ARB2A: variants seen among roughly 807,000 people sequenced by gnomAD.
ARB2A encodes the protein ARB2 cotranscriptional regulator A.
At chr5:94,051,976 C>T in the ARB2A span, among the ~76,000 whole-genome samples, 4 of 152,068 alleles carry the variant, frequency 2.6e-5, no homozygotes, top group African/African-American at 4.8e-5. Flanking sequence ...CATGCCACCA[C>T]GCCTGGCTGA....
the ARB2A span, among the ~76,000 whole-genome samples, chr5:93,768,704 C>A: frequency 6.6e-6 from 1 of 151,892 alleles, no homozygotes; most frequent in African/African-American, 2.4e-5. Context: ...CCTCAGCCAC[C>A]CAAGTAGCGA....
At chr5:93,964,578 G>T in the ARB2A span, 1 of 1,358,276 alleles carries the variant, frequency 7.4e-7, no homozygotes, top group South Asian at 1.4e-5. Flanking sequence ...TATCAAAACT[G>T]ACATAAATTT....
the ARB2A span, among the ~76,000 whole-genome samples, chr5:94,024,928 G>A: frequency 6.6e-6 from 1 of 152,194 alleles, no homozygotes; most frequent in Non-Finnish European, 1.5e-5. Flanking sequence ...GGACAAGAGG[G>A]AGGCAAGAGA....
At chr5:93,698,106 T>G in the ARB2A span, among the ~76,000 whole-genome samples, 3 of 152,214 alleles carry the variant, frequency 2.0e-5, no homozygotes, top group Non-Finnish European at 4.4e-5. Context: ...GGTTGAAGTA[T>G]GTACCTTTAG....
the ARB2A span, among the ~76,000 whole-genome samples, chr5:93,807,919 T>G: frequency 6.6e-6 from 1 of 152,004 alleles, no homozygotes; most frequent in Non-Finnish European, 1.5e-5. Context: ...ACCTTCTCCC[T>G]AGAATGTTTG....
the ARB2A span, among the ~76,000 whole-genome samples, chr5:93,856,474 T>C: frequency 1.3e-5 from 2 of 152,196 alleles, no homozygotes; most frequent in Non-Finnish European, 2.9e-5. Context: ...GGAGGCTTTG[T>C]TCGTTTCTTT....
At chr5:94,043,185 G>A in the ARB2A span, among the ~76,000 whole-genome samples, 1 of 152,104 alleles carries the variant, frequency 6.6e-6, no homozygotes, top group Non-Finnish European at 1.5e-5. Flanking sequence ...ATGGAGACCT[G>A]AAGTGTTCCT....
chr5:94,110,460 T>C, the ARB2A span, among the ~76,000 whole-genome samples: 1 of 152,312 alleles, frequency 6.6e-6, no homozygotes, highest in African/African-American at 2.4e-5. Context: ...CCTGAAAGCA[T>C]CCAGAGCATC....
chr5:93,887,737 G>T, the ARB2A span, among the ~76,000 whole-genome samples: 1 of 151,730 alleles, frequency 6.6e-6, no homozygotes, highest in Non-Finnish European at 1.5e-5. Context: ...TAACAAAACA[G>T]TTATAAAATA....
the ARB2A span, among the ~76,000 whole-genome samples, chr5:93,797,111 C>T: frequency 1.3e-5 from 2 of 152,116 alleles, no homozygotes; most frequent in Non-Finnish European, 2.9e-5. Context: ...ATGGAAAATA[C>T]TGGAGTAGCA....
the ARB2A span, among the ~76,000 whole-genome samples, chr5:93,872,839 C>T: frequency 6.6e-6 from 1 of 151,836 alleles, no homozygotes; most frequent in Admixed American, 6.6e-5. Context: ...ATGGCGTGAA[C>T]CCGGGAGGCA....
the ARB2A span, among the ~76,000 whole-genome samples, chr5:94,072,249 T>C: frequency 6.6e-6 from 1 of 152,078 alleles, no homozygotes; most frequent in Middle Eastern, 3.2e-3. Flanking sequence ...TACAAATGGG[T>C]AACAGAAGGG....
chr5:94,059,248 C>T, the ARB2A span, among the ~76,000 whole-genome samples: 1 of 150,188 alleles, frequency 6.7e-6, no homozygotes, highest in Non-Finnish European at 1.5e-5. Context: ...AACTTTAAGA[C>T]CACAAATCCA....
chr5:94,073,041 TA>T, the ARB2A span, among the ~76,000 whole-genome samples: 2 of 152,120 alleles, frequency 1.3e-5, no homozygotes, highest in African/African-American at 4.8e-5. Context: ...AGGGAAAAGT[TA>T]AATCACCTCC....
At chr5:93,635,404 C>T in the ARB2A span, among the ~76,000 whole-genome samples, 2 of 151,766 alleles carry the variant, frequency 1.3e-5, no homozygotes, top group Admixed American at 1.3e-4. Flanking sequence ...TTAACCTTAG[C>T]TCATACCAAC....
At chr5:93,829,191 G>A in the ARB2A span, among the ~76,000 whole-genome samples, 1 of 152,038 alleles carries the variant, frequency 6.6e-6, no homozygotes, top group South Asian at 2.1e-4. Context: ...TTTCACCATT[G>A]CCCTACAAAA....
the ARB2A span, among the ~76,000 whole-genome samples, chr5:93,921,450 T>G: frequency 2.0e-5 from 3 of 152,116 alleles, no homozygotes; most frequent in African/African-American, 7.2e-5. Context: ...GCTTTAGAAA[T>G]GTCAAGATAA....
the ARB2A span, among the ~76,000 whole-genome samples, chr5:93,792,698 T>C: frequency 3.2e-5 from 3 of 95,200 alleles, no homozygotes; most frequent in Non-Finnish European, 5.9e-5. Flanking sequence ...CTGGGGACTG[T>C]TGTGGGGTGG....
At chr5:93,901,503 ATAC>A in the ARB2A span, among the ~76,000 whole-genome samples, 2 of 152,298 alleles carry the variant, frequency 1.3e-5, no homozygotes, top group Non-Finnish European at 2.9e-5. Flanking sequence ...TATGCCAATT[ATAC>A]CATAAGGGCC....
Sources: gnomAD v4.1 joint callset for allele counts (sites outside exome capture counted in the v4.1 genomes callset) on GRCh38, gnomAD v4.1.1 for gene constraint, MANE v1.5 for transcripts, NCBI Gene and HGNC (gene_info 2026-07-23, HGNC 2026-07-21) for gene names.